The following NALF1 variants were observed in gnomAD, a reference collection of about 807,000 sequenced individuals.
NALF1 encodes NALCN channel auxiliary factor 1.
In NALF1, 3 loss-of-function variants were observed where a neutral mutation model predicts 48.4. That is an observed-to-expected ratio of 0.06 (90% CI 0.03 to 0.16). NALF1 has a LOEUF of 0.16. Among genes scored for constraint, NALF1 ranks in the 10% least tolerant of loss-of-function variants. The probability of loss-of-function intolerance (pLI) is 1.00; values close to 1 mark genes in which losing one functional copy is unlikely to be tolerated. For synonymous variants in NALF1, 262 were observed against 245.7 expected, an observed-to-expected ratio of 1.07 and a Z score of -0.62; for missense variants, 526 against 571.5, an observed-to-expected ratio of 0.92 and a Z score of 0.81.
chr13:107,246,477 C>T (rs1180410280), intron 1 of NALF1, among the ~76,000 whole-genome samples: 3 of 152,174 alleles, frequency 2.0e-5, no homozygotes, highest in Non-Finnish European at 4.4e-5. Context: ...CTTCTTCACT[C>T]CCTCCTTCTA....
intron 1 of NALF1, among the ~76,000 whole-genome samples, chr13:107,646,173 G>A (rs1035542032): frequency 2.6e-5 from 4 of 151,774 alleles, no homozygotes; most frequent in African/African-American, 9.7e-5. Flanking sequence ...TGGGAACGCT[G>A]GTCAACAAGC....
intron 1 of NALF1, among the ~76,000 whole-genome samples, chr13:107,531,721 G>A (rs922929188): frequency 6.6e-6 from 1 of 151,266 alleles, no homozygotes; most frequent in African/African-American, 2.4e-5. Flanking sequence ...TTTTATCTCA[G>A]TATGCTCATC....
rs1019078620 is a variant in NALF1 at position 107,205,237 on chromosome 13, T to C, written c.1087+5347A>G. Among the ~76,000 whole-genome samples, 168 of 150,070 alleles carry C rather than the reference T, an allele frequency of 1.1e-3. 1 individual carries two copies. The highest frequency in any genetic ancestry group is 4.3e-3 in the Admixed American group (64 of 14,994). On this transcript the variant is annotated intron_variant, in intron 2 of 2. Transcript: ENST00000375915. ...GTGATCTCATTGTTCAATTCCCACCTATGAGAACATCTTTGTCTTTTAAAA... is the reference window on the plus strand; with the variant it reads ...GTGATCTCATTGTTCAATTCCCACCCATGAGAACATCTTTGTCTTTTAAAA...
intron 1 of NALF1, among the ~76,000 whole-genome samples, chr13:107,413,890 G>A (rs1405987214): frequency 6.6e-6 from 1 of 152,112 alleles, no homozygotes; most frequent in Admixed American, 6.6e-5. Flanking sequence ...GGGTTCAAGC[G>A]ATTCTCCTGC....
chr13:107,854,259 G>A (rs542681999), intron 1 of NALF1, among the ~76,000 whole-genome samples: 1 of 152,266 alleles, frequency 6.6e-6, no homozygotes, highest in Non-Finnish European at 1.5e-5. Context: ...TCTGAAACCT[G>A]CCATACTTGG....
intron 1 of NALF1, among the ~76,000 whole-genome samples, chr13:107,574,988 C>T (rs537248465): frequency 2.0e-5 from 3 of 152,082 alleles, no homozygotes; most frequent in African/African-American, 7.2e-5. Flanking sequence ...TATCCTCAGC[C>T]AACAAAACTC....
chr13:107,370,310 C>T (rs895948156), intron 1 of NALF1, among the ~76,000 whole-genome samples: 2 of 152,214 alleles, frequency 1.3e-5, no homozygotes, highest in Admixed American at 6.5e-5. Flanking sequence ...CGCCCCAAAA[C>T]AGGCTGCTTT....
At chr13:107,715,243 C>G (rs1290368904) in intron 1 of NALF1, among the ~76,000 whole-genome samples, 1 of 151,474 alleles carries the variant, frequency 6.6e-6, no homozygotes, top group Non-Finnish European at 1.5e-5. Flanking sequence ...ACGCTTGTTG[C>G]CCAGGCTGGA....
chr13:107,808,569 G>A (rs555283611), intron 1 of NALF1, among the ~76,000 whole-genome samples: 39 of 151,638 alleles, frequency 2.6e-4, no homozygotes, highest in South Asian at 1.0e-3. Context: ...CTGATGACTC[G>A]AGAAAAGAAA....
chr13:107,712,289 A>G (rs1475923545), intron 1 of NALF1, among the ~76,000 whole-genome samples: 2 of 152,190 alleles, frequency 1.3e-5, no homozygotes, highest in African/African-American at 4.8e-5. Flanking sequence ...GCTCTCTCCT[A>G]AAAGAGGTAT....
intron 1 of NALF1, among the ~76,000 whole-genome samples, chr13:107,752,621 T>C (rs1262247630): frequency 6.6e-6 from 1 of 152,038 alleles, no homozygotes; most frequent in African/African-American, 2.4e-5. Context: ...AGACAAATAC[T>C]ACATTATTTC....
intron 2 of NALF1, among the ~76,000 whole-genome samples, chr13:107,210,171 A>G (rs1436513678): frequency 5.3e-5 from 8 of 152,230 alleles, no homozygotes; most frequent in African/African-American, 1.9e-4. Flanking sequence ...ATAAAATAAA[A>G]GAAAATAGGC....
intron 1 of NALF1, among the ~76,000 whole-genome samples, chr13:107,484,607 T>G (rs2491585): frequency 0.055 from 8,414 of 152,246 alleles, 494 homozygotes; most frequent in African/African-American, 0.15. Context: ...GTTGAACGAA[T>G]GACCATATGA....
chr13:107,814,355 G>A (rs1024928503), intron 1 of NALF1, among the ~76,000 whole-genome samples: 2 of 152,090 alleles, frequency 1.3e-5, no homozygotes, highest in African/African-American at 4.8e-5. Flanking sequence ...TCCTTTTACT[G>A]GCCATCCAGG....
At chr13:107,379,400 T>G (rs1164834998) in intron 1 of NALF1, among the ~76,000 whole-genome samples, 1 of 152,186 alleles carries the variant, frequency 6.6e-6, no homozygotes, top group Non-Finnish European at 1.5e-5. Flanking sequence ...GCTCGAGAAT[T>G]TCTATGTTTC....
intron 1 of NALF1, among the ~76,000 whole-genome samples, chr13:107,579,780 G>A (rs531742471): frequency 9.2e-5 from 14 of 151,546 alleles, no homozygotes; most frequent in East Asian, 3.9e-4. Context: ...CCACTAACTC[G>A]TCATCTAGCA....
chr13:107,799,416 T>C (rs1218803290), intron 1 of NALF1, among the ~76,000 whole-genome samples: 1 of 152,200 alleles, frequency 6.6e-6, no homozygotes, highest in Admixed American at 6.5e-5. Context: ...CAATGCCACG[T>C]ACATGATATA....
At chr13:107,673,442 T>G (rs751968326) in intron 1 of NALF1, among the ~76,000 whole-genome samples, 5 of 152,234 alleles carry the variant, frequency 3.3e-5, no homozygotes, top group Non-Finnish European at 7.4e-5. Flanking sequence ...GTGCTCAACT[T>G]GACGATATGG....
intron 1 of NALF1, among the ~76,000 whole-genome samples, chr13:107,701,173 C>T (rs1881808858): frequency 1.3e-5 from 2 of 152,182 alleles, no homozygotes; most frequent in Non-Finnish European, 2.9e-5. Context: ...CTCATAAAGA[C>T]ATCCTTCACT....
Sources: allele counts gnomAD v4.1 joint callset (sites outside exome capture counted in the v4.1 genomes callset), GRCh38; gene constraint gnomAD v4.1.1; transcripts MANE v1.5; gene names NCBI Gene and HGNC (gene_info 2026-07-23, HGNC 2026-07-21).